The following ASCC3 variants were observed in gnomAD, a reference collection of about 807,000 sequenced individuals.
ASCC3 encodes activating signal cointegrator 1 complex subunit 3, also known as ASC-1 complex subunit P200.
In ASCC3, 158 loss-of-function variants were observed where a neutral mutation model predicts 256.3. The ratio of observed to expected loss-of-function variants is 0.62; its 90% CI spans 0.54 to 0.70. ASCC3 has a LOEUF of 0.70. ASCC3 is among the 30% of genes least tolerant of loss of function. The pLI is 0.00. For synonymous variants in ASCC3, 948 were observed against 883.4 expected (o/e 1.07, Z -1.30); for missense variants, 2,259 against 2,626.0 (o/e 0.86, Z 3.05).
At chr6:100,836,090 T>C (rs1200925645) in intron 4 of ASCC3, among the ~76,000 whole-genome samples, 2 of 152,168 alleles carry the variant, frequency 1.3e-5, no homozygotes, top group South Asian at 2.1e-4. Flanking sequence ...ATACTGATTT[T>C]TGTATGTTGA....
intron 37 of ASCC3, among the ~76,000 whole-genome samples, chr6:100,532,645 A>C (rs1210420404): frequency 6.6e-6 from 1 of 151,798 alleles, no homozygotes; most frequent in African/African-American, 2.4e-5. Context: ...GATATTAACA[A>C]AGGAATGTAT....
chr6:100,802,810 G>C (rs1455776771), intron 5 of ASCC3, among the ~76,000 whole-genome samples: 1 of 151,664 alleles, frequency 6.6e-6, no homozygotes, highest in Non-Finnish European at 1.5e-5. Context: ...GACTACCCTG[G>C]GCAACATGGG....
intron 1 of ASCC3, among the ~76,000 whole-genome samples, chr6:100,871,536 C>T (rs1773743190): frequency 6.6e-6 from 1 of 152,136 alleles, no homozygotes; most frequent in Non-Finnish European, 1.5e-5. Flanking sequence ...TGGGGCCAAG[C>T]CAGGTGGACT....
chr6:100,548,712 G>A (rs1006775370), intron 36 of ASCC3, among the ~76,000 whole-genome samples: 4 of 151,876 alleles, frequency 2.6e-5, no homozygotes, highest in Non-Finnish European at 1.5e-5. Flanking sequence ...CTTTCTGAAG[G>A]AAAAGGCATT....
chr6:100,862,556 T>C (rs990852033), intron 3 of ASCC3, among the ~76,000 whole-genome samples: 1 of 152,114 alleles, frequency 6.6e-6, no homozygotes, highest in African/African-American at 2.4e-5. Flanking sequence ...AGCAAGCATA[T>C]GGTAAGGTAA....
At chr6:100,521,833 C>T (rs1182666026) in intron 37 of ASCC3, among the ~76,000 whole-genome samples, 1 of 152,212 alleles carries the variant, frequency 6.6e-6, no homozygotes, top group African/African-American at 2.4e-5. Context: ...TGCACTGATA[C>T]ACTTCATATG....
intron 10 of ASCC3, among the ~76,000 whole-genome samples, chr6:100,750,820 C>A (rs1374306595): frequency 6.6e-6 from 1 of 151,860 alleles, no homozygotes; most frequent in African/African-American, 2.4e-5. Flanking sequence ...GTAGGTAAAA[C>A]CTGTACTAAT....
intron 10 of ASCC3, 53 bp from the exon 11 acceptor site, chr6:100,725,756 T>C (rs1222597201): frequency 1.0e-5 from 16 of 1,592,668 alleles, no homozygotes; most frequent in Admixed American, 1.7e-5. Flanking sequence ...TTATTTAACA[T>C]TGAACTGTGA....
chr6:100,746,578 GAATT>G (rs1207128075), intron 10 of ASCC3, among the ~76,000 whole-genome samples: 1 of 152,088 alleles, frequency 6.6e-6, no homozygotes, highest in Non-Finnish European at 1.5e-5. Flanking sequence ...ATTTGCAAAT[GAATT>G]AATAACAGCT....
chr6:100,607,123 C>T (rs395521), intron 30 of ASCC3, 35 bp from the exon 31 acceptor site: 860,238 of 1,600,170 alleles, frequency 0.54, 234,277 homozygotes, highest in East Asian at 0.74. Flanking sequence ...GATGTAGATG[C>T]ATAACTTTAA....
At chr6:100,635,670 C>G (rs1396485711) in intron 25 of ASCC3, among the ~76,000 whole-genome samples, 2 of 152,046 alleles carry the variant, frequency 1.3e-5, no homozygotes, top group Admixed American at 6.5e-5. Context: ...CAATGTATAT[C>G]AAAACATCAC....
intron 34 of ASCC3, among the ~76,000 whole-genome samples, chr6:100,597,347 G>T (rs115413336): frequency 0.016 from 2,476 of 151,844 alleles, 66 homozygotes; most frequent in African/African-American, 0.056. Context: ...GAACATAGTA[G>T]GTACTCAATA....
At chr6:100,555,360 G>A (rs770872355) in intron 36 of ASCC3, among the ~76,000 whole-genome samples, 1 of 152,028 alleles carries the variant, frequency 6.6e-6, no homozygotes, top group Non-Finnish European at 1.5e-5. Context: ...TGTCTGACTT[G>A]TATCATTGTC....
chr6:100,555,880 C>A (rs970846685), intron 36 of ASCC3, among the ~76,000 whole-genome samples: 1 of 151,472 alleles, frequency 6.6e-6, no homozygotes, highest in African/African-American at 2.4e-5. Context: ...CCTGTGGTCC[C>A]AGCTACTCCA....
chr6:100,646,523 A>G, intron 22 of ASCC3, 92 bp downstream of exon 22: 3 of 1,329,292 alleles, frequency 2.3e-6, no homozygotes, highest in South Asian at 2.6e-5. Context: ...TTCTTTTTAG[A>G]GGATTTTCTA....
chr6:100,873,369 C>G (rs965642601), intron 1 of ASCC3, among the ~76,000 whole-genome samples: 3 of 151,972 alleles, frequency 2.0e-5, no homozygotes, highest in Admixed American at 2.0e-4. Flanking sequence ...CCCAAGAGGT[C>G]TGGGATTATG....
At chr6:100,632,875 CAT>C (rs1258939060) in intron 25 of ASCC3, among the ~76,000 whole-genome samples, 3 of 151,924 alleles carry the variant, frequency 2.0e-5, no homozygotes, top group Non-Finnish European at 4.4e-5. Context: ...TAGAAGAAAA[CAT>C]AAGGAAAAAG....
In ASCC3 at chr6:100,823,631, T is replaced by C. The variant is rs149595961; in HGVS notation, c.802-17751A>G. Among the ~76,000 whole-genome samples, 1,041 of 152,300 alleles carry C rather than the reference T, an allele frequency of 6.8e-3. 11 individuals carry two copies. The highest frequency in any genetic ancestry group is 0.044 in the Middle Eastern group (13 of 294). ...AGTTATTCTTATTAATATAAAGCCT[T>C]ATTCTTAAAATTAAATTTTTTAAGT... On this transcript the variant is annotated intron_variant, in intron 4 of 41. Coordinates refer to ENST00000369162, the MANE Select transcript of ASCC3 (RefSeq NM_006828.4).
Position 100,791,955 on chromosome 6 carries a change from A to C in ASCC3, c.1395+6758T>G, listed in dbSNP as rs1375325629. On this transcript the variant is annotated intron_variant, in intron 8 of 41. Coordinates refer to ENST00000369162, the MANE Select transcript of ASCC3 (RefSeq NM_006828.4). Reference sequence around the variant, plus strand: ...AAAGCCAAAAAAATGAGGATAGCAGAATAGAAAGACATTAACAAGTTGGGT... The same window carrying C: ...AAAGCCAAAAAAATGAGGATAGCAGCATAGAAAGACATTAACAAGTTGGGT... 2.6e-5 allele frequency among the ~76,000 whole-genome samples: 4 copies of C among 151,942 alleles called. No individual in the cohort carries two copies. In the Admixed American group the frequency reaches 2.6e-4, roughly 10 times the overall value.
Sources: gnomAD v4.1 joint callset for allele counts (sites outside exome capture counted in the v4.1 genomes callset) on GRCh38, gnomAD v4.1.1 for gene constraint, MANE v1.5 for transcripts, NCBI Gene and HGNC (gene_info 2026-07-23, HGNC 2026-07-21) for gene names.